The following SLC27A6 variants were observed in gnomAD, a reference collection of about 807,000 sequenced individuals.
The protein encoded by SLC27A6 is solute carrier family 27 member 6, also known as long-chain fatty acid transport protein 6.
Under a neutral mutation model 63.9 loss-of-function variants are expected in SLC27A6, and 74 were observed. The observed-to-expected ratio is 1.16, with a 90% CI of 0.96 to 1.40. The LOEUF is 1.40. Among genes scored for constraint, SLC27A6 ranks in the 40% most tolerant of loss-of-function variants. The pLI, the probability that SLC27A6 is intolerant of heterozygous loss-of-function variation, is 0.00. For missense variants in SLC27A6, 794 were observed against 732.9 expected (o/e 1.08, Z -0.96); for synonymous variants, 287 against 260.8 (o/e 1.10, Z -0.97).
intron 1 of SLC27A6, among the ~76,000 whole-genome samples, chr5:128,982,138 T>C (rs1451221149): frequency 2.0e-5 from 3 of 152,168 alleles, no homozygotes; most frequent in African/African-American, 7.2e-5. Context: ...TAAGAAAGAC[T>C]GGCAGTGATA....
intron 9 of SLC27A6, among the ~76,000 whole-genome samples, chr5:129,032,153 A>G (rs535373240): frequency 1.1e-3 from 165 of 152,148 alleles, no homozygotes; most frequent in Non-Finnish European, 2.1e-3. Flanking sequence ...TTAATGTCTC[A>G]TAGCACTCTT....
chr5:129,030,395 T>C (rs74901744), intron 9 of SLC27A6, among the ~76,000 whole-genome samples: 1 of 152,044 alleles, frequency 6.6e-6, no homozygotes, highest in Non-Finnish European at 1.5e-5. Context: ...GATTTTTTTT[T>C]CTGAATACAT....
chr5:128,970,425 T>A (rs935462891), intron 1 of SLC27A6, among the ~76,000 whole-genome samples: 1 of 152,218 alleles, frequency 6.6e-6, no homozygotes, highest in Admixed American at 6.5e-5. Context: ...AATTATTGCC[T>A]CAATTTCAGA....
At chr5:128,971,096 A>C (rs1750140654) in intron 1 of SLC27A6, among the ~76,000 whole-genome samples, 1 of 152,110 alleles carries the variant, frequency 6.6e-6, no homozygotes, top group Non-Finnish European at 1.5e-5. Flanking sequence ...CCTGACTTCT[A>C]ATTTGGTTGC....
At chr5:128,973,771 G>C (rs762627633) in intron 1 of SLC27A6, among the ~76,000 whole-genome samples, 2 of 152,204 alleles carry the variant, frequency 1.3e-5, no homozygotes, top group South Asian at 4.1e-4. Flanking sequence ...CACTCTGTGG[G>C]TTGCACCCAC....
intron 8 of SLC27A6, among the ~76,000 whole-genome samples, chr5:129,028,658 ATT>A (rs35862007): frequency 1.5e-4 from 21 of 141,946 alleles, no homozygotes; most frequent in African/African-American, 2.3e-4. Flanking sequence ...GCCTGCGTGT[ATT>A]TTTTTTTTTT....
chr5:129,006,446 A>AGT (rs72056782), intron 4 of SLC27A6, among the ~76,000 whole-genome samples: 29,667 of 143,832 alleles, frequency 0.21, 3,376 homozygotes, highest in East Asian at 0.47. Flanking sequence ...TATATGCATG[A>AGT]GTGTGTGTGT....
intron 1 of SLC27A6, 71 bp from the exon 2 acceptor site, chr5:128,985,062 A>T: frequency 9.0e-7 from 1 of 1,113,390 alleles, no homozygotes; most frequent in Non-Finnish European, 1.3e-6. Context: ...TTCAATACAC[A>T]AAAGCAACTC....
At chr5:128,983,273 G>A (rs190045692) in intron 1 of SLC27A6, among the ~76,000 whole-genome samples, 1 of 147,194 alleles carries the variant, frequency 6.8e-6, no homozygotes, top group Non-Finnish European at 1.5e-5. Context: ...TACAGAACTT[G>A]AGCATTCTGA....
intron 9 of SLC27A6, 48 bp from the exon 10 acceptor site, chr5:129,033,058 T>C (rs1580755215): frequency 8.3e-7 from 1 of 1,207,210 alleles, no homozygotes; most frequent in Non-Finnish European, 1.2e-6. Flanking sequence ...TATATGTATA[T>C]ATTATAGTTA....
At chr5:128,968,567 G>A (rs1750004229) in intron 1 of SLC27A6, among the ~76,000 whole-genome samples, 1 of 152,204 alleles carries the variant, frequency 6.6e-6, no homozygotes, top group Non-Finnish European at 1.5e-5. Context: ...CTTCTTTGGA[G>A]AAGTGTCTGT....
intron 1 of SLC27A6, among the ~76,000 whole-genome samples, chr5:128,972,698 G>A (rs35869181): frequency 0.24 from 36,670 of 151,944 alleles, 4,972 homozygotes; most frequent in Middle Eastern, 0.33. Context: ...TAGCTTCTTT[G>A]TGATGGTTTC....
At chr5:128,971,871 A>C (rs1208774218) in intron 1 of SLC27A6, among the ~76,000 whole-genome samples, 1 of 152,090 alleles carries the variant, frequency 6.6e-6, no homozygotes, top group African/African-American at 2.4e-5. Context: ...TGGTCTTTAC[A>C]ATTTGGCATG....
intron 4 of SLC27A6, among the ~76,000 whole-genome samples, chr5:129,000,933 T>C (rs1451506349): frequency 6.6e-6 from 1 of 152,214 alleles, no homozygotes; most frequent in Non-Finnish European, 1.5e-5. Context: ...GTAAGTAGTC[T>C]GTAAGTAGCA....
At chr5:129,023,754 A>T (rs1752150081) in intron 6 of SLC27A6, 44 bp downstream of exon 6, 1 of 1,365,496 alleles carries the variant, frequency 7.3e-7, no homozygotes, top group Admixed American at 1.8e-5. Context: ...AAAGTTTCTG[A>T]TCTCCTGTAT....
At chr5:128,980,454 A>T (rs1221694593) in intron 1 of SLC27A6, among the ~76,000 whole-genome samples, 1 of 152,168 alleles carries the variant, frequency 6.6e-6, no homozygotes, top group Non-Finnish European at 1.5e-5. Flanking sequence ...TACTCTAGGG[A>T]ATCAATCCAG....
intron 1 of SLC27A6, among the ~76,000 whole-genome samples, chr5:128,968,562 T>A (rs1245046928): frequency 1.3e-5 from 2 of 152,258 alleles, no homozygotes; most frequent in Non-Finnish European, 2.9e-5. Context: ...AATGTCTTCT[T>A]TGGAGAAGTG....
chr5:128,984,745 C>T (rs1750727084), intron 1 of SLC27A6, among the ~76,000 whole-genome samples: 1 of 152,184 alleles, frequency 6.6e-6, no homozygotes, highest in African/African-American at 2.4e-5. Context: ...GAGTAACCTG[C>T]AGACAGCTTT....
chr5:129,026,049 C>T (rs767133944), intron 6 of SLC27A6, among the ~76,000 whole-genome samples: 21 of 152,098 alleles, frequency 1.4e-4, no homozygotes, highest in Admixed American at 2.6e-4. Context: ...GTGGGAGGAT[C>T]GGTTGAGTCT....
Sources: gnomAD v4.1 joint callset for allele counts (sites outside exome capture counted in the v4.1 genomes callset) on GRCh38, gnomAD v4.1.1 for gene constraint, MANE v1.5 for transcripts, NCBI Gene and HGNC (gene_info 2026-07-23, HGNC 2026-07-21) for gene names.